The following GRAMD1B variants were observed in gnomAD, a reference collection of about 807,000 sequenced individuals.
GRAMD1B encodes the protein protein Aster-B.
Under a neutral mutation model 99.7 loss-of-function variants are expected in GRAMD1B, and 37 were observed. The ratio of observed to expected loss-of-function variants is 0.37; its 90% confidence interval spans 0.29 to 0.49. The LOEUF is 0.49. GRAMD1B is among the 20% of genes least tolerant of loss of function. GRAMD1B has a pLI of 0.98. For synonymous variants in GRAMD1B, 427 were observed against 387.6 expected, an observed-to-expected ratio of 1.10 and a Z score of -1.19; for missense variants, 888 against 1,009.2, an observed-to-expected ratio of 0.88 and a Z score of 1.63.
intron 3 of GRAMD1B, among the ~76,000 whole-genome samples, chr11:123,581,381 C>T (rs184383968): frequency 5.3e-5 from 8 of 152,350 alleles, no homozygotes; most frequent in African/African-American, 9.6e-5. Context: ...GGATGAGGGA[C>T]GCCCCTTCTC....
intron 8 of GRAMD1B, among the ~76,000 whole-genome samples, chr11:123,601,356 G>C (rs1951935789): frequency 6.6e-6 from 1 of 151,510 alleles, no homozygotes; most frequent in African/African-American, 2.4e-5. Context: ...CTGCATTCCA[G>C]CCTGGATGAC....
At chr11:123,506,605 T>C (rs2714072) in intron 2 of GRAMD1B, among the ~76,000 whole-genome samples, 26,824 of 152,180 alleles carry the variant, frequency 0.18, 2,482 homozygotes, top group Non-Finnish European at 0.2. Context: ...CTCTGGTCTC[T>C]AGTTCAAAAA....
chr11:123,538,723 G>T lies in GRAMD1B; in HGVS notation c.453-38644G>T, dbSNP rs190352427. 3.1e-4 allele frequency among the ~76,000 whole-genome samples: 47 copies of T among 151,886 alleles called. No individual in the cohort carries two copies. In the East Asian group the frequency reaches 8.7e-3, roughly 28 times the overall value. On this transcript the variant is annotated intron_variant, in intron 2 of 19. Transcript: ENST00000635736. ...CAACCTCTGCTTCCCGGGTTCAAGC[G>T]ATCCTCCCACCTTAACCTCCTGAGT...
At chr11:123,453,607 G>A (rs768043636) in intron 1 of GRAMD1B, among the ~76,000 whole-genome samples, 7 of 152,124 alleles carry the variant, frequency 4.6e-5, no homozygotes, top group South Asian at 2.1e-4. Context: ...ATGAGCCACC[G>A]TGCCTGGCAA....
At chr11:123,402,213 AC>A (rs1351810299) in intron 1 of GRAMD1B, among the ~76,000 whole-genome samples, 3 of 152,070 alleles carry the variant, frequency 2.0e-5, no homozygotes, top group Admixed American at 6.5e-5. Context: ...ACAGGGTTTC[AC>A]CATGTTGGCC....
At chr11:123,619,928 C>T (rs1669722588) in intron 19 of GRAMD1B, among the ~76,000 whole-genome samples, 1 of 152,160 alleles carries the variant, frequency 6.6e-6, no homozygotes, top group Non-Finnish European at 1.5e-5. Flanking sequence ...CAGGATTTAT[C>T]CTGCTACATG....
chr11:123,620,723 A>G (rs1468485685), intron 19 of GRAMD1B, among the ~76,000 whole-genome samples: 4 of 152,228 alleles, frequency 2.6e-5, no homozygotes, highest in East Asian at 3.8e-4. Flanking sequence ...ACCCAGGCCA[A>G]CACATGTCAA....
At chr11:123,440,007 G>T (rs1949333764) in intron 1 of GRAMD1B, among the ~76,000 whole-genome samples, 1 of 152,188 alleles carries the variant, frequency 6.6e-6, no homozygotes, top group Admixed American at 6.5e-5. Context: ...TTTTCTGGGG[G>T]AGGGGGAGCG....
chr11:123,392,514 C>T (rs1947317378), intron 1 of GRAMD1B, among the ~76,000 whole-genome samples: 1 of 151,856 alleles, frequency 6.6e-6, no homozygotes, highest in Non-Finnish European at 1.5e-5. Context: ...TCAGACCAAA[C>T]TTCAGTCTAC....
At position 123,510,260 on chromosome 11, in the gene GRAMD1B, T is replaced by C. The variant is rs970059991; in HGVS notation, c.452+29367T>C. 6.6e-6 allele frequency among the ~76,000 whole-genome samples: 1 copy of C among 152,128 alleles called. No homozygotes were observed. The highest frequency in any genetic ancestry group is 1.5e-5 in the Non-Finnish European group (1 of 68,016). On this transcript the variant is annotated intron_variant, in intron 2 of 19. Transcript: ENST00000635736. This position sits in a 1 kb window ranked among gnomAD's most constrained non-coding sequence, Gnocchi z 4.3. ...CTTGCTCATTACCTGCCAGCTGGCC[T>C]CTTCCCACATGCCCCCCTCATCCTG...
At chr11:123,601,481 C>G (rs1264802639) in intron 8 of GRAMD1B, among the ~76,000 whole-genome samples, 1 of 151,774 alleles carries the variant, frequency 6.6e-6, no homozygotes, top group African/African-American at 2.4e-5. Flanking sequence ...CGCACCGACA[C>G]ACACACATAA....
At chr11:123,477,998 G>A in intron 1 of GRAMD1B, among the ~76,000 whole-genome samples, 1 of 151,640 alleles carries the variant, frequency 6.6e-6, no homozygotes. Flanking sequence ...TCACCATGTT[G>A]GCCAGTCTCA....
Position 123,605,325 on chromosome 11 carries a change from C to T in GRAMD1B, c.1170C>T (p.Tyr390=). The T allele has an allele frequency of 6.2e-7, 1 of 1,607,406 alleles. No individual in the cohort carries two copies. Among genetic ancestry groups the T allele is most frequent in the Non-Finnish European group, 8.5e-7 (1 of 1,176,224 alleles). ...ACTCACTGGTGTCTCCTCTCAGATA[C>T]TGTGAAGAGATCCCTGTGGAAGAGA... ...PPDDDFNTMG[Y]CEEIPVEENE... is the part of the protein sequence containing the mutation. Residue 390 remains tyrosine, a synonymous_variant, in exon 10 of 20, where the codon TAC becomes TAT. Coordinates refer to ENST00000635736, the MANE Select transcript of GRAMD1B (RefSeq NM_001387025.1).
intron 2 of GRAMD1B, among the ~76,000 whole-genome samples, chr11:123,550,728 G>A (rs1399908627): frequency 4.6e-5 from 7 of 152,178 alleles, no homozygotes; most frequent in Non-Finnish European, 8.8e-5. Context: ...GAAAAGGTCA[G>A]TTACCTCTGC....
chr11:123,562,741 G>A (rs1446129828), intron 2 of GRAMD1B, among the ~76,000 whole-genome samples: 1 of 152,064 alleles, frequency 6.6e-6, no homozygotes, highest in Non-Finnish European at 1.5e-5. Flanking sequence ...TCCTTCTGCC[G>A]AAACTTGGAT....
intron 2 of GRAMD1B, among the ~76,000 whole-genome samples, chr11:123,491,031 G>A (rs1938496971): frequency 6.6e-6 from 1 of 152,172 alleles, no homozygotes; most frequent in Admixed American, 6.5e-5. Flanking sequence ...TTTTCTCCAA[G>A]TACCTTAAAA....
At chr11:123,484,957 T>C (rs1397466593) in intron 2 of GRAMD1B, among the ~76,000 whole-genome samples, 1 of 152,106 alleles carries the variant, frequency 6.6e-6, no homozygotes, top group East Asian at 1.9e-4. Context: ...GTGGCGGGCA[T>C]CTGGCCTGTG....
At position 123,574,968 on chromosome 11, in the gene GRAMD1B, C is replaced by T. The variant is rs1247416351; in HGVS notation, c.453-2399C>T. Among the ~76,000 whole-genome samples, 3 of 152,188 alleles carry T rather than the reference C, an allele frequency of 2.0e-5. 1 individual carries two copies. Among genetic ancestry groups the T allele is most frequent in the Admixed American group, 1.3e-4 (2 of 15,276 alleles). ...ATCAGGGAGAAGTTTCCAAGAACAG[C>T]ACAGATGATCAACAGCCTTAAGAGC... On this transcript the variant is annotated intron_variant, in intron 2 of 19. Transcript: ENST00000635736.
intron 2 of GRAMD1B, among the ~76,000 whole-genome samples, chr11:123,522,130 T>C (rs1280993390): frequency 1.3e-5 from 2 of 152,116 alleles, no homozygotes; most frequent in African/African-American, 4.8e-5. Flanking sequence ...TATTCATTCC[T>C]AGAGGTTGTG....
Sources: allele counts gnomAD v4.1 joint callset (sites outside exome capture counted in the v4.1 genomes callset), GRCh38; gene constraint gnomAD v4.1.1; non-coding constraint Gnocchi (gnomAD v3.1); transcripts MANE v1.5; gene names NCBI Gene and HGNC (gene_info 2026-07-23, HGNC 2026-07-21).